Variants in NTNG1 observed in about 807,000 individuals in gnomAD.
The protein encoded by NTNG1 is netrin G1, also known as netrin-G1.
NTNG1 carries 16 observed loss-of-function variants against 54.0 expected under a neutral mutation model. That is an observed-to-expected ratio of 0.30 (90% CI 0.20 to 0.45). The LOEUF (loss-of-function observed/expected upper bound fraction) is 0.45. Ranked by LOEUF, NTNG1 falls within the 20% of genes least tolerant of loss-of-function variation. NTNG1 has a pLI of 1.00. For missense variants in NTNG1, 530 were observed against 678.7 expected (o/e 0.78, Z 2.43); for synonymous variants, 255 against 263.1 (o/e 0.97, Z 0.30).
At chr1:107,227,894 C>G (rs771507043) in intron 2 of NTNG1, among the ~76,000 whole-genome samples, 11 of 152,108 alleles carry the variant, frequency 7.2e-5, no homozygotes, top group East Asian at 1.9e-4. Flanking sequence ...ATGAAACCTC[C>G]CAAGTAATCT....
chr1:107,182,092 AT>A (rs1657115252), intron 2 of NTNG1, among the ~76,000 whole-genome samples: 1 of 152,228 alleles, frequency 6.6e-6, no homozygotes, highest in Non-Finnish European at 1.5e-5. Context: ...ACCAATGTGC[AT>A]TTTCCCTTTT....
At chr1:107,443,017 T>C (rs1168557503) in intron 7 of NTNG1, among the ~76,000 whole-genome samples, 1 of 152,136 alleles carries the variant, frequency 6.6e-6, no homozygotes, top group Non-Finnish European at 1.5e-5. Flanking sequence ...GAAGTTCCAA[T>C]AGAAGCTGAA....
chr1:107,151,002 C>T (rs1470313641), intron 2 of NTNG1, among the ~76,000 whole-genome samples: 1 of 152,176 alleles, frequency 6.6e-6, no homozygotes, highest in Non-Finnish European at 1.5e-5. Flanking sequence ...TAAAAGGCTG[C>T]ATCTTAGTGT....
intron 3 of NTNG1, among the ~76,000 whole-genome samples, chr1:107,352,656 C>A (rs927608869): frequency 3.3e-5 from 5 of 152,206 alleles, no homozygotes; most frequent in African/African-American, 1.2e-4. Flanking sequence ...AGTCCAAAAC[C>A]CAACATAGTA....
intron 2 of NTNG1, among the ~76,000 whole-genome samples, chr1:107,213,822 G>A (rs1057408091): frequency 6.6e-6 from 1 of 152,072 alleles, no homozygotes; most frequent in African/African-American, 2.4e-5. Flanking sequence ...TAGCAAGGGA[G>A]AATTAAGGCA....
At chr1:107,251,940 G>A (rs767844001) in intron 2 of NTNG1, among the ~76,000 whole-genome samples, 1 of 152,170 alleles carries the variant, frequency 6.6e-6, no homozygotes, top group South Asian at 2.1e-4. Context: ...TACTGAGAAC[G>A]GAAGGGTATT....
intron 5 of NTNG1, among the ~76,000 whole-genome samples, chr1:107,426,612 G>C (rs1402543771): frequency 6.6e-6 from 1 of 152,014 alleles, no homozygotes; most frequent in Non-Finnish European, 1.5e-5. Flanking sequence ...GATGCCTCTG[G>C]ATTGGTTCCT....
chr1:107,263,503 A>G (rs1364792158), intron 2 of NTNG1, among the ~76,000 whole-genome samples: 1 of 152,238 alleles, frequency 6.6e-6, no homozygotes, highest in Non-Finnish European at 1.5e-5. Context: ...AAACATTTTA[A>G]GAATGTAGTA....
At chr1:107,400,145 T>C (rs1358612245) in intron 4 of NTNG1, among the ~76,000 whole-genome samples, 1 of 152,166 alleles carries the variant, frequency 6.6e-6, no homozygotes, top group Non-Finnish European at 1.5e-5. Context: ...ATATGCTAGA[T>C]ACTAAATTCA....
chr1:107,465,714 A>G (rs663616), intron 7 of NTNG1, among the ~76,000 whole-genome samples: 147,840 of 152,226 alleles, frequency 0.97, 71,940 homozygotes, highest in East Asian at 1. Context: ...TCCAGGGACC[A>G]GGGAGAACAT....
At chr1:107,312,694 C>T (rs1356345827) in intron 2 of NTNG1, among the ~76,000 whole-genome samples, 3 of 152,152 alleles carry the variant, frequency 2.0e-5, no homozygotes, top group Non-Finnish European at 4.4e-5. Flanking sequence ...TTTATTCAAA[C>T]AGAATTCCTG....
At chr1:107,167,558 A>G (rs975927836) in intron 2 of NTNG1, among the ~76,000 whole-genome samples, 1 of 151,916 alleles carries the variant, frequency 6.6e-6, no homozygotes, top group Non-Finnish European at 1.5e-5. Context: ...ATATGTAGGT[A>G]AAAGCCTCAT....
intron 2 of NTNG1, among the ~76,000 whole-genome samples, chr1:107,212,999 G>A (rs554308452): frequency 9.2e-5 from 14 of 151,958 alleles, no homozygotes; most frequent in African/African-American, 3.4e-4. Flanking sequence ...TTTTAGAAGA[G>A]TGGTGGTGAA....
Position 107,168,202 on chromosome 1 carries a change from T to A in NTNG1, c.246+19363T>A, listed in dbSNP as rs139134813. On this transcript the variant is annotated intron_variant, in intron 2 of 7. Coordinates refer to ENST00000370068, the MANE Select transcript of NTNG1 (RefSeq NM_001113226.3). ...TTCCTTCCTTCCTTCTTTCTCTTTT[T>A]CTTTTTTAAGGAAGTACATCATCAG... 2.6e-4 allele frequency among the ~76,000 whole-genome samples: 40 copies of A among 152,118 alleles called. No homozygotes were observed. In the East Asian group the frequency reaches 7.5e-3, roughly 29 times the overall value.
chr1:107,174,633 T>C (rs550828035), intron 2 of NTNG1, among the ~76,000 whole-genome samples: 1 of 152,160 alleles, frequency 6.6e-6, no homozygotes, highest in Admixed American at 6.5e-5. Context: ...TGTTGTGTAG[T>C]TCACCTCTTA....
At chr1:107,416,469 G>A (rs1189728219) in intron 5 of NTNG1, among the ~76,000 whole-genome samples, 1 of 151,986 alleles carries the variant, frequency 6.6e-6, no homozygotes, top group Non-Finnish European at 1.5e-5. Context: ...AGTTCAAGAA[G>A]TCTCAGCAAT....
chr1:107,270,830 AAGTT>A (rs141765378), intron 2 of NTNG1, among the ~76,000 whole-genome samples: 3,351 of 151,632 alleles, frequency 0.022, 122 homozygotes, highest in African/African-American at 0.077. Context: ...ATTTGCTGGA[AAGTT>A]TGTTTTGTTT....
intron 7 of NTNG1, among the ~76,000 whole-genome samples, chr1:107,472,028 T>A (rs1678013249): frequency 6.6e-6 from 1 of 152,210 alleles, no homozygotes; most frequent in Non-Finnish European, 1.5e-5. Context: ...ATTATCCTGC[T>A]TGTGAAGTGA....
intron 2 of NTNG1, among the ~76,000 whole-genome samples, chr1:107,238,744 C>A (rs1661586339): frequency 6.6e-6 from 1 of 151,754 alleles, no homozygotes; most frequent in African/African-American, 2.4e-5. Flanking sequence ...GCCTTTCACC[C>A]TGACTGTGAG....
Sources: gnomAD v4.1 joint callset for allele counts (sites outside exome capture counted in the v4.1 genomes callset) on GRCh38, gnomAD v4.1.1 for gene constraint, MANE v1.5 for transcripts, NCBI Gene and HGNC (gene_info 2026-07-23, HGNC 2026-07-21) for gene names.